The following PLPP1 variants were observed in gnomAD, a reference collection of about 807,000 sequenced individuals.
PLPP1 encodes phospholipid phosphatase 1.
A neutral mutation model predicts 31.2 loss-of-function variants in PLPP1; 24 were observed. The observed-to-expected ratio is 0.77, with a 90% CI of 0.56 to 1.08. The LOEUF (loss-of-function observed/expected upper bound fraction) is 1.08. Among genes scored for constraint, PLPP1 ranks in the 50% least tolerant of loss-of-function variants. The pLI, the probability that PLPP1 is intolerant of heterozygous loss-of-function variation, is 0.00. For missense variants in PLPP1, 319 were observed against 342.7 expected, an observed-to-expected ratio of 0.93 and a Z score of 0.55; for synonymous variants, 146 against 126.3, an observed-to-expected ratio of 1.16 and a Z score of -1.05.
chr5:55,474,904 A>G (rs1752501763), intron 2 of PLPP1, among the ~76,000 whole-genome samples: 2 of 152,236 alleles, frequency 1.3e-5, no homozygotes, highest in Admixed American at 6.5e-5. Flanking sequence ...AAATCTATAC[A>G]TAGCCAGCAA....
chr5:55,434,787 C>T (rs1048552740), intron 4 of PLPP1, among the ~76,000 whole-genome samples: 1 of 152,086 alleles, frequency 6.6e-6, no homozygotes, highest in African/African-American at 2.4e-5. Flanking sequence ...AATGTAAGAC[C>T]TGAAACGATA....
chr5:55,527,707 T>G (rs1579988513), intron 1 of PLPP1, among the ~76,000 whole-genome samples: 1 of 152,116 alleles, frequency 6.6e-6, no homozygotes, highest in Non-Finnish European at 1.5e-5. Flanking sequence ...GTGGTATAAC[T>G]CCAGGTTAGC....
At chr5:55,502,933 A>G (rs1016765925) in intron 1 of PLPP1, among the ~76,000 whole-genome samples, 2 of 152,170 alleles carry the variant, frequency 1.3e-5, no homozygotes, top group African/African-American at 4.8e-5. Flanking sequence ...TTTTCAGGCA[A>G]TGACGCCTTC....
Position 55,487,200 on chromosome 5 carries a change from A to G in PLPP1, c.59-11750T>C, listed in dbSNP as rs530972106. Among the ~76,000 whole-genome samples the G allele has an allele frequency of 5.3e-5, 8 of 152,308 alleles. No individual in the cohort carries two copies. The East Asian group carries it at 1.2e-3, about 22-fold the overall frequency. ...AAACTACAAATTTTTAAATTTAGAC[A>G]AAGTATATTATTCATTGCAACATAT... On this transcript the variant is annotated intron_variant, in intron 1 of 5. Coordinates refer to ENST00000307259, the MANE Select transcript of PLPP1 (RefSeq NM_003711.4).
At chr5:55,499,969 G>A (rs1224468404) in intron 1 of PLPP1, among the ~76,000 whole-genome samples, 1 of 150,038 alleles carries the variant, frequency 6.7e-6, no homozygotes, top group African/African-American at 2.5e-5. Flanking sequence ...CATAAAATAT[G>A]GAAAAATTAA....
intron 1 of PLPP1, among the ~76,000 whole-genome samples, chr5:55,506,067 A>G (rs1753269110): frequency 6.6e-6 from 1 of 151,788 alleles, no homozygotes; most frequent in African/African-American, 2.4e-5. Context: ...AAAACAAAAC[A>G]AAACAAAACA....
intron 3 of PLPP1, among the ~76,000 whole-genome samples, chr5:55,459,523 C>T (rs1752105248): frequency 6.6e-6 from 1 of 152,154 alleles, no homozygotes; most frequent in Non-Finnish European, 1.5e-5. Flanking sequence ...CCAGAATAGA[C>T]TGTATGTGAA....
chr5:55,455,261 C>T (rs1751979661), intron 3 of PLPP1, among the ~76,000 whole-genome samples: 1 of 152,148 alleles, frequency 6.6e-6, no homozygotes, highest in Admixed American at 6.5e-5. Flanking sequence ...TCTCTTCAAG[C>T]AGCCAATAGT....
In PLPP1 at chr5:55,442,225, T is replaced by C. The variant is rs528568774; in HGVS notation, c.492-317A>G. ...CAAGTCATAACTGGCACAAATTGCC[T>C]TGACTTTATTACATACACACTTATG... On this transcript the variant is annotated intron_variant, in intron 3 of 5. Transcript: ENST00000307259. 2.0e-5 allele frequency among the ~76,000 whole-genome samples: 3 copies of C among 152,370 alleles called. No homozygotes were observed. The South Asian group carries it at 6.2e-4, about 32-fold the overall frequency.
At position 55,425,076 on chromosome 5, in the gene PLPP1, C is replaced by A. The variant is rs566389939; in HGVS notation, c.*130G>T. On this transcript the variant is annotated 3_prime_UTR_variant, in exon 6 of 6. Coordinates refer to ENST00000307259, the MANE Select transcript of PLPP1 (RefSeq NM_003711.4). ...AACTATGTACACACAAAGTGTGCAT[C>A]CAAGAGGCATAGCAGCAGCAGAAGT... 2.0e-5 allele frequency: 25 copies of A among 1,233,284 alleles called. No individual in the cohort carries two copies. In the South Asian group the frequency reaches 3.3e-4, roughly 16 times the overall value. 76.4% of individuals were successfully genotyped at this position (1,233,284 alleles called of 1,614,324 possible). A position where few individuals can be genotyped will look rare whatever the true frequency, so the allele number is the denominator to read the frequency against.
intron 3 of PLPP1, among the ~76,000 whole-genome samples, chr5:55,454,564 C>T (rs1471202890): frequency 1.3e-5 from 2 of 152,162 alleles, no homozygotes; most frequent in Admixed American, 1.3e-4. Flanking sequence ...CTCACATATT[C>T]CCTGGAGACT....
At chr5:55,515,496 C>T (rs916713541) in intron 1 of PLPP1, among the ~76,000 whole-genome samples, 2 of 152,240 alleles carry the variant, frequency 1.3e-5, no homozygotes, top group Admixed American at 6.5e-5. Flanking sequence ...CCTTCTTCCT[C>T]AATCCAACTT....
chr5:55,502,502 AT>A (rs1283562473), intron 1 of PLPP1, among the ~76,000 whole-genome samples: 2 of 151,654 alleles, frequency 1.3e-5, no homozygotes, highest in East Asian at 1.9e-4. Context: ...AAAAAAAAAA[AT>A]GTCCAATACA....
At chr5:55,450,478 G>A (rs1345017360) in intron 3 of PLPP1, among the ~76,000 whole-genome samples, 1 of 152,152 alleles carries the variant, frequency 6.6e-6, no homozygotes, top group Admixed American at 6.5e-5. Context: ...ATAAAGGAAA[G>A]CAGAACTCGG....
chr5:55,430,327 GC>G (rs1382873161), intron 4 of PLPP1, among the ~76,000 whole-genome samples: 1 of 152,154 alleles, frequency 6.6e-6, no homozygotes, highest in Non-Finnish European at 1.5e-5. Flanking sequence ...AGCATACACT[GC>G]CCCAGGGCCC....
chr5:55,432,585 A>G (rs140504494), intron 4 of PLPP1, among the ~76,000 whole-genome samples: 40 of 152,294 alleles, frequency 2.6e-4, no homozygotes, highest in Admixed American at 2.4e-3. Context: ...TAAGAAACCC[A>G]TAAGCCAATA....
intron 4 of PLPP1, among the ~76,000 whole-genome samples, chr5:55,428,786 A>G (rs771942145): frequency 2.0e-5 from 3 of 152,308 alleles, no homozygotes; most frequent in South Asian, 4.1e-4. Context: ...TCCTCCCCAT[A>G]CATGCCATTT....
In PLPP1 at chr5:55,519,287, G is replaced by A. The variant is rs1202426866; in HGVS notation, c.58+15285C>T. Among the ~76,000 whole-genome samples, 3 of 152,332 alleles carry A rather than the reference G, an allele frequency of 2.0e-5. No homozygotes were observed. The East Asian group carries it at 5.8e-4, about 29-fold the overall frequency. ...CTCCAAGTGGCTACTGGGCTAGGCAGAGACAACAGTTGAAAAGGAGCACAT... is the reference window on the plus strand; with the variant it reads ...CTCCAAGTGGCTACTGGGCTAGGCAAAGACAACAGTTGAAAAGGAGCACAT... On this transcript the variant is annotated intron_variant, in intron 1 of 5. Transcript: ENST00000307259.
intron 1 of PLPP1, among the ~76,000 whole-genome samples, chr5:55,512,507 A>AAAG (rs758389826): frequency 0.087 from 1,188 of 13,596 alleles, 56 homozygotes; most frequent in Admixed American, 0.19. Flanking sequence ...AAAAGAAAAG[A>AAAG]AAAGAAAAGA....
Sources: allele counts gnomAD v4.1 joint callset (sites outside exome capture counted in the v4.1 genomes callset), GRCh38; gene constraint gnomAD v4.1.1; transcripts MANE v1.5; gene names NCBI Gene and HGNC (gene_info 2026-07-23, HGNC 2026-07-21).